CSMD1: variants seen among roughly 807,000 people sequenced by gnomAD.
The protein encoded by CSMD1 is CUB and Sushi multiple domains 1.
Under a neutral mutation model 417.5 loss-of-function variants are expected in CSMD1, and 213 were observed. That is an observed-to-expected ratio of 0.51 (90% CI 0.46 to 0.57). The LOEUF (loss-of-function observed/expected upper bound fraction) is 0.57, where lower values mean the gene tolerates loss of function less well. Ranked by LOEUF, CSMD1 falls within the 20% of genes least tolerant of loss-of-function variation. The probability of loss-of-function intolerance (pLI) is 0.00; values close to 1 mark genes in which losing one functional copy is unlikely to be tolerated. For missense variants in CSMD1, 6,923 were observed against 4,529.7 expected, an observed-to-expected ratio of 1.53 and a Z score of -15.17; for synonymous variants, 2,862 against 1,736.8, an observed-to-expected ratio of 1.65 and a Z score of -16.11.
intron 3 of CSMD1, among the ~76,000 whole-genome samples, chr8:4,241,354 C>T (rs1286944038): frequency 6.6e-6 from 1 of 152,206 alleles, no homozygotes; most frequent in Non-Finnish European, 1.5e-5. Context: ...TCAGTTCTCA[C>T]CTTCGAGTAG....
intron 5 of CSMD1, among the ~76,000 whole-genome samples, chr8:3,972,468 T>A (rs994660478): frequency 1.3e-5 from 2 of 152,252 alleles, no homozygotes; most frequent in African/African-American, 2.4e-5. Context: ...TTGGCTTCTT[T>A]CATTCCTTTC....
chr8:4,106,645 T>G (rs1040266581), intron 3 of CSMD1, among the ~76,000 whole-genome samples: 4 of 152,248 alleles, frequency 2.6e-5, no homozygotes, highest in Non-Finnish European at 5.9e-5. Context: ...GTGATGTTGA[T>G]AGGTATTCAC....
At chr8:3,705,115 G>T (rs1001719165) in intron 7 of CSMD1, among the ~76,000 whole-genome samples, 2 of 152,238 alleles carry the variant, frequency 1.3e-5, no homozygotes, top group Non-Finnish European at 2.9e-5. Flanking sequence ...CAAAGGCTCT[G>T]TTTGCAAAAG....
intron 7 of CSMD1, among the ~76,000 whole-genome samples, chr8:3,629,555 C>A (rs1039616319): frequency 1.3e-5 from 2 of 152,152 alleles, no homozygotes; most frequent in Non-Finnish European, 2.9e-5. Flanking sequence ...CTCCTGTAAA[C>A]AGTTTAGACT....
intron 2 of CSMD1, among the ~76,000 whole-genome samples, chr8:4,453,937 T>G (rs908552438): frequency 1.4e-5 from 2 of 144,158 alleles, no homozygotes; most frequent in Non-Finnish European, 3.0e-5. Context: ...TTCTCCTGCC[T>G]CAGCCTCCCG....
At chr8:4,006,339 T>C (rs1242330232) in intron 4 of CSMD1, among the ~76,000 whole-genome samples, 1 of 152,120 alleles carries the variant, frequency 6.6e-6, no homozygotes, top group Non-Finnish European at 1.5e-5. Context: ...AGGTCAGCAG[T>C]TTGAGGCCAG....
chr8:4,317,697 G>C (rs999862729), intron 3 of CSMD1, among the ~76,000 whole-genome samples: 1 of 152,216 alleles, frequency 6.6e-6, no homozygotes, highest in East Asian at 1.9e-4. Context: ...TTAGAAGTGA[G>C]GTAACATAAA....
chr8:3,226,581 C>CA (rs35840582), intron 27 of CSMD1, among the ~76,000 whole-genome samples: 1,257 of 67,318 alleles, frequency 0.019, 9 homozygotes, highest in African/African-American at 0.024. Context: ...GACTCTGTCT[C>CA]AAAAAAAAAA....
intron 3 of CSMD1, among the ~76,000 whole-genome samples, chr8:4,077,526 C>T (rs1799898591): frequency 6.6e-6 from 1 of 151,948 alleles, no homozygotes; most frequent in African/African-American, 2.4e-5. Context: ...TACCATCACA[C>T]TGAAGTCACT....
At chr8:4,427,873 G>A (rs971979129) in intron 2 of CSMD1, among the ~76,000 whole-genome samples, 1 of 151,982 alleles carries the variant, frequency 6.6e-6, no homozygotes, top group Non-Finnish European at 1.5e-5. Flanking sequence ...TTAAAGTCAG[G>A]GATCACTACT....
In CSMD1 at chr8:4,140,359, A is replaced by T. The variant is rs537862585; in HGVS notation, c.416-108260T>A. On this transcript the variant is annotated intron_variant, in intron 3 of 69. Transcript: ENST00000635120. ...TAAAACAATACAAAATTAGCTGGGA[A>T]TGGTGGCACATGCCTGTAATCCCAG... Among the ~76,000 whole-genome samples the T allele has an allele frequency of 1.7e-4, 25 of 151,048 alleles. 1 individual carries two copies. In the East Asian group the frequency reaches 2.1e-3, roughly 13 times the overall value.
chr8:4,115,548 C>T (rs779963965), intron 3 of CSMD1, among the ~76,000 whole-genome samples: 1 of 152,068 alleles, frequency 6.6e-6, no homozygotes, highest in Non-Finnish European at 1.5e-5. Flanking sequence ...TCAGCTAATT[C>T]ATAATTTATT....
intron 1 of CSMD1, among the ~76,000 whole-genome samples, chr8:4,912,776 C>T (rs1028040370): frequency 1.4e-5 from 2 of 144,552 alleles, no homozygotes; most frequent in African/African-American, 2.6e-5. Context: ...AAATGACATA[C>T]AGCACCAGCT....
Position 3,157,913 on chromosome 8 carries a change from C to T in CSMD1, c.5898G>A (p.Pro1966=), listed in dbSNP as rs938478327. The part of the protein sequence containing the change: ...MPGTVRRWNY[P]SPLCIATCGG... ...CATCCTTACCAATGCACAGGGGAGA[C>T]GGATAGTTCCAACGGCGAACGGTCC... is the stretch of plus-strand genomic sequence containing the variant. The change falls in exon 39 of 70, where the codon CCG becomes CCA. Residue 1966 remains proline, a synonymous_variant. Transcript: ENST00000635120. 20 of 1,554,226 alleles carry T rather than the reference C, an allele frequency of 1.3e-5. No individual in the cohort carries two copies. In the Middle Eastern group the frequency reaches 1.5e-3, roughly 116 times the overall value.
chr8:2,996,550 G>A (rs1206629413), intron 54 of CSMD1, among the ~76,000 whole-genome samples: 1 of 152,214 alleles, frequency 6.6e-6, no homozygotes, highest in Admixed American at 6.5e-5. Context: ...GCTCCGTATG[G>A]AGTCCTGCGG....
intron 3 of CSMD1, among the ~76,000 whole-genome samples, chr8:4,145,116 C>T (rs1007843803): frequency 1.3e-5 from 2 of 151,096 alleles, no homozygotes; most frequent in Non-Finnish European, 2.9e-5. Flanking sequence ...AATATAATTA[C>T]ATGGCGCAGA....
chr8:4,360,963 C>T (rs1475558019), intron 3 of CSMD1, among the ~76,000 whole-genome samples: 1 of 152,134 alleles, frequency 6.6e-6, no homozygotes, highest in East Asian at 1.9e-4. Flanking sequence ...TTGAGGAATA[C>T]TTGACTGACA....
intron 3 of CSMD1, among the ~76,000 whole-genome samples, chr8:4,081,684 T>C (rs1688118960): frequency 6.6e-6 from 1 of 152,164 alleles, no homozygotes; most frequent in Non-Finnish European, 1.5e-5. Flanking sequence ...CTCAATGAAG[T>C]CCAAAACATT....
At chr8:4,816,162 A>C (rs776562778) in intron 1 of CSMD1, among the ~76,000 whole-genome samples, 14 of 151,864 alleles carry the variant, frequency 9.2e-5, no homozygotes, top group Non-Finnish European at 1.8e-4. Context: ...GCTTTGGCTC[A>C]GGTTGGTCAC....
Sources: allele counts gnomAD v4.1 joint callset (sites outside exome capture counted in the v4.1 genomes callset), GRCh38; gene constraint gnomAD v4.1.1; transcripts MANE v1.5; gene names NCBI Gene and HGNC (gene_info 2026-07-23, HGNC 2026-07-21).